The following SLC44A5 variants were observed in gnomAD, a reference collection of about 807,000 sequenced individuals.
The protein encoded by SLC44A5 is solute carrier family 44 member 5, also known as choline transporter-like protein 5.
In SLC44A5, 57 loss-of-function variants were observed where a neutral mutation model predicts 101.8. That is an observed-to-expected ratio of 0.56 (90% CI 0.45 to 0.70). The LOEUF is 0.70. Among genes scored for constraint, SLC44A5 ranks in the 30% least tolerant of loss-of-function variants. SLC44A5 has a pLI of 0.00. For synonymous variants in SLC44A5, 281 were observed against 290.9 expected (o/e 0.97, Z 0.35); for missense variants, 737 against 853.1 (o/e 0.86, Z 1.70).
chr1:75,641,698 G>A, the SLC44A5 span: 522 of 1,545,854 alleles, frequency 3.4e-4, 2 homozygotes, highest in African/African-American at 6.4e-3. Flanking sequence ...AATCTTGTAT[G>A]AGATACTGCA....
chr1:75,238,423 T>G, intron 10 of SLC44A5, 90 bp downstream of exon 10: 1 of 591,464 alleles, frequency 1.7e-6, no homozygotes, highest in Non-Finnish European at 2.6e-6. Context: ...TGTGATTATT[T>G]TCCTATAACC....
At chr1:75,496,814 G>A (rs1201627006) in intron 2 of SLC44A5, among the ~76,000 whole-genome samples, 3 of 151,866 alleles carry the variant, frequency 2.0e-5, no homozygotes, top group Non-Finnish European at 4.4e-5. Context: ...TTAAAAATAT[G>A]GGCAAAGGAC....
upstream of SLC44A5, chr1:75,616,023 G>C (rs953174465): frequency 2.5e-6 from 1 of 404,606 alleles, no homozygotes; most frequent in Non-Finnish European, 3.3e-6. Flanking sequence ...CAGCAGCGGC[G>C]GCCGGGCTGC....
At chr1:75,472,284 A>G (rs561785877) in intron 2 of SLC44A5, among the ~76,000 whole-genome samples, 1 of 152,244 alleles carries the variant, frequency 6.6e-6, no homozygotes, top group East Asian at 1.9e-4. Flanking sequence ...TTCAGTCATG[A>G]GTATCAACTT....
rs765155141 is a variant in SLC44A5 at position 75,234,113 on chromosome 1, C to T, written c.741-15G>A. On this transcript the variant is annotated splice_polypyrimidine_tract_variant and intron_variant, in intron 11 of 23. Coordinates refer to ENST00000370859, the MANE Select transcript of SLC44A5 (RefSeq NM_001130058.2). ...TCGTCAGGCCACTAGAAAAAACCCA[C>T]AACAAACACAGTGGTCAAGTGTGCT... 1.3e-6 allele frequency: 2 copies of T among 1,579,794 alleles called. No individual in the cohort carries two copies. Among genetic ancestry groups the T allele is most frequent in the East Asian group, 2.2e-5 (1 of 44,660 alleles).
the SLC44A5 span, among the ~76,000 whole-genome samples, chr1:75,621,499 A>C: frequency 6.6e-6 from 1 of 152,194 alleles, no homozygotes; most frequent in Non-Finnish European, 1.5e-5. Flanking sequence ...CATGATTGCC[A>C]TGAATGTATG....
chr1:75,354,976 T>C (rs890828041), intron 3 of SLC44A5, among the ~76,000 whole-genome samples: 24 of 152,172 alleles, frequency 1.6e-4, no homozygotes, highest in Admixed American at 1.6e-3. Context: ...TGAGAAATAT[T>C]ACTTCATTAT....
chr1:75,420,104 T>A (rs886810899), intron 2 of SLC44A5, among the ~76,000 whole-genome samples: 1 of 152,048 alleles, frequency 6.6e-6, no homozygotes, highest in Non-Finnish European at 1.5e-5. Context: ...GCTCATCCCT[T>A]CTACCCTATG....
At chr1:75,395,708 T>C (rs1662080889) in intron 3 of SLC44A5, among the ~76,000 whole-genome samples, 1 of 152,136 alleles carries the variant, frequency 6.6e-6, no homozygotes, top group Non-Finnish European at 1.5e-5. Context: ...AATGTGATGT[T>C]TTGCTCTATG....
intron 23 of SLC44A5, 35 bp from the exon 24 acceptor site, chr1:75,203,868 G>T (rs1646702672): frequency 6.6e-7 from 1 of 1,515,552 alleles, no homozygotes; most frequent in African/African-American, 1.4e-5. Context: ...AAATATCAAA[G>T]CAGAACTGTA....
At chr1:75,222,701 A>T (rs142870789) in intron 13 of SLC44A5, among the ~76,000 whole-genome samples, 5 of 152,328 alleles carry the variant, frequency 3.3e-5, no homozygotes, top group Non-Finnish European at 7.4e-5. Flanking sequence ...GGTTCATCTC[A>T]TCCATAAAAG....
chr1:75,489,152 T>C (rs1219823183), intron 2 of SLC44A5, among the ~76,000 whole-genome samples: 2 of 152,150 alleles, frequency 1.3e-5, no homozygotes, highest in Non-Finnish European at 2.9e-5. Context: ...AATACTATGA[T>C]AGCTGTTCTC....
intron 23 of SLC44A5, among the ~76,000 whole-genome samples, chr1:75,209,605 G>T (rs575438617): frequency 2.6e-5 from 4 of 152,120 alleles, no homozygotes; most frequent in Non-Finnish European, 5.9e-5. Flanking sequence ...AGTACATAAA[G>T]TTCTCTTGAA....
At chr1:75,456,477 C>A (rs963079170) in intron 2 of SLC44A5, among the ~76,000 whole-genome samples, 2 of 152,170 alleles carry the variant, frequency 1.3e-5, no homozygotes, top group Non-Finnish European at 2.9e-5. Flanking sequence ...AACAAGCCTG[C>A]ACTTGTAGAC....
At chr1:75,275,758 G>A (rs988979903) in intron 5 of SLC44A5, among the ~76,000 whole-genome samples, 24 of 152,036 alleles carry the variant, frequency 1.6e-4, no homozygotes, top group African/African-American at 4.8e-4. Context: ...ACCACAGAGA[G>A]TAACGTATAT....
At chr1:75,703,889 GAA>G in the SLC44A5 span, among the ~76,000 whole-genome samples, 2 of 147,292 alleles carry the variant, frequency 1.4e-5, no homozygotes, top group African/African-American at 5.0e-5. Flanking sequence ...AGGAATCAAA[GAA>G]AAAAAAAACC....
chr1:75,306,184 T>TACTACTAATGC (rs1231880694), intron 4 of SLC44A5, among the ~76,000 whole-genome samples: 11 of 152,230 alleles, frequency 7.2e-5, no homozygotes, highest in Non-Finnish European at 1.2e-4. Context: ...CTACAATGGC[T>TACTACTAATGC]TAGTAGTTGC....
chr1:75,220,480 T>C (rs1647055392), intron 14 of SLC44A5, among the ~76,000 whole-genome samples: 1 of 152,184 alleles, frequency 6.6e-6, no homozygotes, highest in African/African-American at 2.4e-5. Flanking sequence ...AGGTAATTCC[T>C]TATTCTTTTT....
In SLC44A5 at chr1:75,595,360, C is replaced by A. The variant is rs919324706; in HGVS notation, c.-70+15680G>T. On this transcript the variant is annotated intron_variant, in intron 1 of 23. Coordinates refer to ENST00000370859, the MANE Select transcript of SLC44A5 (RefSeq NM_001130058.2). ...CAGAAATTTTCCTGCCCAAAGCATA[C>A]CAGATTTCAATATTTCAAAAACATC... 3.3e-5 allele frequency among the ~76,000 whole-genome samples: 5 copies of A among 152,074 alleles called. 1 individual carries two copies. The highest frequency in any genetic ancestry group is 3.3e-4 in the Admixed American group (5 of 15,260).
Sources: gnomAD v4.1 joint callset for allele counts (sites outside exome capture counted in the v4.1 genomes callset) on GRCh38, gnomAD v4.1.1 for gene constraint, MANE v1.5 for transcripts, NCBI Gene and HGNC (gene_info 2026-07-23, HGNC 2026-07-21) for gene names.